Variants in USP34 observed in about 807,000 individuals in gnomAD.
USP34 encodes ubiquitin carboxyl-terminal hydrolase 34.
USP34 carries 70 observed loss-of-function variants against 460.3 expected under a neutral mutation model. The observed-to-expected ratio is 0.15, with a 90% CI of 0.13 to 0.19. The LOEUF is 0.19. Ranked by LOEUF, USP34 falls within the 10% of genes least tolerant of loss-of-function variation. The pLI, the probability that USP34 is intolerant of heterozygous loss-of-function variation, is 1.00. For missense variants in USP34, 3,985 were observed against 4,236.2 expected, an observed-to-expected ratio of 0.94 and a Z score of 1.65; for synonymous variants, 1,647 against 1,405.3, an observed-to-expected ratio of 1.17 and a Z score of -3.85.
chr2:61,429,438 C>A (rs1006766925), intron 1 of USP34, among the ~76,000 whole-genome samples: 1 of 152,106 alleles, frequency 6.6e-6, no homozygotes, highest in African/African-American at 2.4e-5. Flanking sequence ...CAGAGCGAGA[C>A]TCCGTCTCAA....
At chr2:61,263,782 C>T (rs901092082) in intron 43 of USP34, among the ~76,000 whole-genome samples, 21 of 152,120 alleles carry the variant, frequency 1.4e-4, no homozygotes, top group South Asian at 4.1e-4. Context: ...ACACCCCACA[C>T]GCAGCTAATT....
At chr2:61,316,543 C>T (rs1200411293) in intron 23 of USP34, among the ~76,000 whole-genome samples, 2 of 151,820 alleles carry the variant, frequency 1.3e-5, no homozygotes, top group Non-Finnish European at 2.9e-5. Flanking sequence ...TGAGACTGTG[C>T]CACTGCACTC....
rs147163927 is a variant in USP34, at chr2:61,247,861, C to T, written c.6394+650G>A. 1.4e-4 allele frequency among the ~76,000 whole-genome samples: 22 copies of T among 152,230 alleles called. No individual in the cohort carries two copies. In the East Asian group the frequency reaches 4.2e-3, roughly 29 times the overall value. ...CCACACTGGAGTGCAGTAGTGCAAT[C>T]TCAACTCACTGCACCCTTCCTAAAG... On this transcript the variant is annotated intron_variant, in intron 49 of 79. Coordinates refer to ENST00000398571, the MANE Select transcript of USP34 (RefSeq NM_014709.4).
intron 30 of USP34, 91 bp from the exon 31 acceptor site, chr2:61,295,381 C>T: frequency 1.5e-6 from 2 of 1,339,690 alleles, no homozygotes; most frequent in South Asian, 3.3e-5. Flanking sequence ...CATAAAAACT[C>T]AAAATATTAT....
Position 61,325,394 on chromosome 2 carries a change from C to T in USP34, c.2994G>A (p.Leu998=). Residue 998 remains leucine, a synonymous_variant, in exon 21 of 80, where the codon CTG becomes CTA. Transcript: ENST00000398571. ...ACTTACTGAAATGATCAGGTGATCC[C>T]AGAGTTGAAAATACACAAGTCAAGA... ...LQFLTCVFST[L]GSPDHFRLSL... 1.3e-6 allele frequency: 2 copies of T among 1,557,390 alleles called. No homozygotes were observed. The highest frequency in any genetic ancestry group is 1.7e-6 in the Non-Finnish European group (2 of 1,160,118).
chr2:61,408,817 T>G (rs970084338), intron 2 of USP34, among the ~76,000 whole-genome samples: 4 of 150,092 alleles, frequency 2.7e-5, no homozygotes, highest in African/African-American at 9.8e-5. Flanking sequence ...CACTTGAACT[T>G]GGGAGGCGGA....
At chr2:61,218,800 C>T (rs558316100) in intron 67 of USP34, among the ~76,000 whole-genome samples, 1 of 152,262 alleles carries the variant, frequency 6.6e-6, no homozygotes, top group East Asian at 1.9e-4. Flanking sequence ...AGGAAGACCA[C>T]AAGAGATGAA....
intron 53 of USP34, 137 bp downstream of exon 53, chr2:61,241,423 G>T: frequency 1.7e-6 from 1 of 575,426 alleles, no homozygotes; most frequent in Admixed American, 3.8e-5. Context: ...GTATTACCAA[G>T]ACTATTTGTA....
chr2:61,252,664 A>G (rs1284066734), intron 48 of USP34, among the ~76,000 whole-genome samples: 1 of 152,264 alleles, frequency 6.6e-6, no homozygotes, highest in African/African-American at 2.4e-5. Context: ...TAAAAAGTTC[A>G]AAAATTCACT....
At chr2:61,426,655 G>A (rs143430876) in intron 1 of USP34, among the ~76,000 whole-genome samples, 697 of 152,358 alleles carry the variant, frequency 4.6e-3, no homozygotes, top group Non-Finnish European at 6.4e-3. Flanking sequence ...AAGGAAGGAT[G>A]CAGGTCTGGC....
At chr2:61,283,298 A>G in intron 36 of USP34, 29 bp from the exon 37 acceptor site, 1 of 1,604,200 alleles carries the variant, frequency 6.2e-7, no homozygotes, top group Non-Finnish European at 8.5e-7. Context: ...ACAGTTCACT[A>G]TAAAAGGTTT....
intron 57 of USP34, 47 bp downstream of exon 57, chr2:61,235,798 A>T: frequency 6.3e-7 from 1 of 1,583,038 alleles, no homozygotes; most frequent in Non-Finnish European, 8.6e-7. Flanking sequence ...GGGGGGAAAA[A>T]AAAAAGAATC....
intron 1 of USP34, among the ~76,000 whole-genome samples, chr2:61,468,442 CAA>C (rs569057758): frequency 1.9e-3 from 294 of 152,314 alleles, no homozygotes; most frequent in African/African-American, 6.8e-3. Context: ...CTTGGCCTCG[CAA>C]AGTGTTGGGA....
intron 76 of USP34, among the ~76,000 whole-genome samples, chr2:61,191,769 A>T (rs755002752): frequency 2.0e-5 from 3 of 152,218 alleles, no homozygotes; most frequent in Admixed American, 6.5e-5. Flanking sequence ...AAACCAAGAA[A>T]CTACCCAAAT....
intron 2 of USP34, among the ~76,000 whole-genome samples, chr2:61,414,803 T>C (rs537364006): frequency 3.3e-5 from 5 of 152,320 alleles, no homozygotes; most frequent in African/African-American, 1.2e-4. Flanking sequence ...GGTTACTTGG[T>C]ATACACCCTA....
intron 69 of USP34, among the ~76,000 whole-genome samples, chr2:61,210,109 G>A (rs924614667): frequency 6.6e-6 from 1 of 152,060 alleles, no homozygotes; most frequent in African/African-American, 2.4e-5. Context: ...CATTAATAAT[G>A]AAGAAAAAGT....
chr2:61,327,350 A>G (rs1351944488), intron 20 of USP34, among the ~76,000 whole-genome samples: 1 of 152,142 alleles, frequency 6.6e-6, no homozygotes, highest in Non-Finnish European at 1.5e-5. Context: ...TGTAGGGGAG[A>G]GGAAATCTGA....
chr2:61,226,007 T>C (rs1003241391), intron 62 of USP34, among the ~76,000 whole-genome samples: 3 of 152,206 alleles, frequency 2.0e-5, no homozygotes, highest in African/African-American at 7.2e-5. Flanking sequence ...CAAACTGGAC[T>C]GTAATGGCTA....
chr2:61,226,978 A>G (rs777197334), intron 62 of USP34, 89 bp downstream of exon 62: 90 of 1,405,026 alleles, frequency 6.4e-5, no homozygotes, highest in Non-Finnish European at 8.4e-5. Flanking sequence ...TATATAATAA[A>G]AAGCTAGTGG....
Sources: gnomAD v4.1 joint callset for allele counts (sites outside exome capture counted in the v4.1 genomes callset) on GRCh38, gnomAD v4.1.1 for gene constraint, MANE v1.5 for transcripts, NCBI Gene and HGNC (gene_info 2026-07-23, HGNC 2026-07-21) for gene names.